Variants in CDK6 observed in about 807,000 individuals in gnomAD.
The protein encoded by CDK6 is cyclin dependent kinase 6.
In CDK6, 6 loss-of-function variants were observed where a neutral mutation model predicts 37.1. The observed-to-expected ratio is 0.16, with a 90% CI of 0.09 to 0.32. The LOEUF (loss-of-function observed/expected upper bound fraction) is 0.32. Ranked by LOEUF, CDK6 falls within the 10% of genes least tolerant of loss-of-function variation. The pLI, the probability that CDK6 is intolerant of heterozygous loss-of-function variation, is 1.00. For missense variants in CDK6, 224 were observed against 418.9 expected (o/e 0.53, Z 4.06); for synonymous variants, 160 against 161.3 (o/e 0.99, Z 0.06).
chr7:92,831,736 A>T (rs1171988395), intron 2 of CDK6, among the ~76,000 whole-genome samples: 1 of 152,174 alleles, frequency 6.6e-6, no homozygotes, highest in Non-Finnish European at 1.5e-5. Flanking sequence ...TATATTTATG[A>T]TTCTTTGATG....
intron 3 of CDK6, among the ~76,000 whole-genome samples, chr7:92,742,037 A>G (rs747853613): frequency 1.3e-5 from 2 of 152,222 alleles, no homozygotes; most frequent in African/African-American, 2.4e-5. Flanking sequence ...TGGTGCTGAC[A>G]GACAATAAAA....
chr7:92,632,353 G>A (rs1796072466), intron 5 of CDK6, among the ~76,000 whole-genome samples: 1 of 152,116 alleles, frequency 6.6e-6, no homozygotes, highest in Non-Finnish European at 1.5e-5. Context: ...GGAACCAAAA[G>A]TATCAGTCAT....
At chr7:92,781,454 G>A (rs578151412) in intron 2 of CDK6, among the ~76,000 whole-genome samples, 1 of 152,254 alleles carries the variant, frequency 6.6e-6, no homozygotes, top group East Asian at 1.9e-4. Context: ...TGCTCTTCTG[G>A]AACTATTGCA....
At chr7:92,814,490 G>A (rs561388448) in intron 2 of CDK6, among the ~76,000 whole-genome samples, 1 of 146,804 alleles carries the variant, frequency 6.8e-6, no homozygotes, top group Non-Finnish European at 1.5e-5. Context: ...AAAACTTCCC[G>A]CAGGTAATAA....
At chr7:92,739,340 G>A (rs923979328) in intron 3 of CDK6, among the ~76,000 whole-genome samples, 2 of 152,194 alleles carry the variant, frequency 1.3e-5, no homozygotes, top group African/African-American at 2.4e-5. Context: ...ACTTCTGCAT[G>A]TGCAAATGTA....
At chr7:92,800,848 G>A (rs1800553748) in intron 2 of CDK6, among the ~76,000 whole-genome samples, 1 of 152,274 alleles carries the variant, frequency 6.6e-6, no homozygotes, top group South Asian at 2.1e-4. Context: ...TTCTAGAATG[G>A]ACTCTGAGGA....
intron 2 of CDK6, among the ~76,000 whole-genome samples, chr7:92,817,589 C>G (rs1444573226): frequency 6.6e-6 from 1 of 151,660 alleles, no homozygotes; most frequent in South Asian, 2.1e-4. Context: ...TTATTGGGAA[C>G]AAGCCAAAAA....
chr7:92,792,511 T>C (rs1326699030), intron 2 of CDK6, among the ~76,000 whole-genome samples: 3 of 152,102 alleles, frequency 2.0e-5, no homozygotes, highest in Non-Finnish European at 4.4e-5. Context: ...AATATATATA[T>C]TTTTTGAAAG....
At chr7:92,721,280 G>A (rs1056432451) in intron 4 of CDK6, among the ~76,000 whole-genome samples, 35 of 152,276 alleles carry the variant, frequency 2.3e-4, no homozygotes, top group African/African-American at 6.3e-4. Context: ...GGAAGGATGA[G>A]CCCATGCCCT....
At chr7:92,824,538 A>G (rs1020930997) in intron 2 of CDK6, among the ~76,000 whole-genome samples, 5 of 152,128 alleles carry the variant, frequency 3.3e-5, no homozygotes, top group Admixed American at 1.3e-4. Context: ...ACCACTGGGT[A>G]AACACGACAC....
intron 5 of CDK6, among the ~76,000 whole-genome samples, chr7:92,634,139 GTTTC>G (rs1206868472): frequency 2.0e-5 from 3 of 151,954 alleles, no homozygotes; most frequent in African/African-American, 7.3e-5. Context: ...ACTTCCTATA[GTTTC>G]TTTATTCTTT....
intron 2 of CDK6, among the ~76,000 whole-genome samples, chr7:92,778,449 T>C (rs1322013074): frequency 1.3e-5 from 2 of 152,214 alleles, no homozygotes; most frequent in Non-Finnish European, 2.9e-5. Context: ...GTACCATAAA[T>C]CATATTAAGT....
At chr7:92,636,421 A>G (rs1369930181) in intron 5 of CDK6, among the ~76,000 whole-genome samples, 1 of 152,156 alleles carries the variant, frequency 6.6e-6, no homozygotes, top group Non-Finnish European at 1.5e-5. Context: ...TTATGAAGCA[A>G]ATGAACTTAC....
intron 4 of CDK6, among the ~76,000 whole-genome samples, chr7:92,716,672 C>T (rs897553542): frequency 3.9e-5 from 6 of 152,156 alleles, no homozygotes; most frequent in African/African-American, 9.7e-5. Context: ...AAGCAGCTCA[C>T]GTGTCCAAAG....
chr7:92,692,587 C>A (rs1797622307), intron 4 of CDK6, among the ~76,000 whole-genome samples: 2 of 152,120 alleles, frequency 1.3e-5, no homozygotes, highest in African/African-American at 4.8e-5. Flanking sequence ...AGTTCGAGAC[C>A]AGCCTGGGCA....
chr7:92,629,370 T>C (rs1562916282), intron 5 of CDK6, among the ~76,000 whole-genome samples: 1 of 152,046 alleles, frequency 6.6e-6, no homozygotes, highest in Non-Finnish European at 1.5e-5. Context: ...GGGCTCATAT[T>C]TACTGGACTA....
chr7:92,701,879 T>G (rs1290055310), intron 4 of CDK6: 1 of 152,292 alleles, frequency 6.6e-6, no homozygotes, highest in African/African-American at 2.4e-5. Flanking sequence ...AATATTTTGA[T>G]TAATAAACGG....
intron 4 of CDK6, among the ~76,000 whole-genome samples, chr7:92,684,606 C>CA (rs1469476148): frequency 6.6e-6 from 1 of 152,204 alleles, no homozygotes; most frequent in Non-Finnish European, 1.5e-5. Context: ...TCCTCCCTAA[C>CA]ATTTTCTCCT....
chr7:92,701,941 C>T (rs1326358030), intron 4 of CDK6: 2 of 152,196 alleles, frequency 1.3e-5, no homozygotes, highest in African/African-American at 2.4e-5. Context: ...AGCACATACT[C>T]GTTGACTGTC....
Sources: allele counts gnomAD v4.1 joint callset (sites outside exome capture counted in the v4.1 genomes callset), GRCh38; gene constraint gnomAD v4.1.1; transcripts MANE v1.5; gene names NCBI Gene and HGNC (gene_info 2026-07-23, HGNC 2026-07-21).